The following CPEB3 variants were observed in gnomAD, a reference collection of about 807,000 sequenced individuals.
The protein encoded by CPEB3 is cytoplasmic polyadenylation element-binding protein 3.
A neutral mutation model predicts 67.2 loss-of-function variants in CPEB3; 20 were observed. The observed-to-expected ratio is 0.30, with a 90% CI of 0.21 to 0.43. The LOEUF (loss-of-function observed/expected upper bound fraction) is 0.43, where lower values mean the gene tolerates loss of function less well. Among genes scored for constraint, CPEB3 ranks in the 20% least tolerant of loss-of-function variants. The pLI, the probability that CPEB3 is intolerant of heterozygous loss-of-function variation, is 1.00. For synonymous variants in CPEB3, 376 were observed against 393.1 expected, an observed-to-expected ratio of 0.96 and a Z score of 0.51; for missense variants, 746 against 968.6, an observed-to-expected ratio of 0.77 and a Z score of 3.05.
chr10:92,226,763 C>A (rs1217510462), intron 2 of CPEB3, among the ~76,000 whole-genome samples: 1 of 146,696 alleles, frequency 6.8e-6, no homozygotes, highest in Non-Finnish European at 1.5e-5. Flanking sequence ...GAGGGAGGGG[C>A]AAGAGAGAGG....
chr10:92,268,105 C>A (rs1365806050), intron 1 of CPEB3, among the ~76,000 whole-genome samples: 1 of 152,040 alleles, frequency 6.6e-6, no homozygotes, highest in Non-Finnish European at 1.5e-5. Context: ...CCAGCCACCG[C>A]GACCGGCCGA....
chr10:92,269,603 G>C (rs573126571), intron 1 of CPEB3, among the ~76,000 whole-genome samples: 1 of 152,198 alleles, frequency 6.6e-6, no homozygotes, highest in East Asian at 1.9e-4. Context: ...TGTCACCCAG[G>C]CTGGAGTGCA....
At chr10:92,246,646 T>C (rs893637517) in intron 1 of CPEB3, among the ~76,000 whole-genome samples, 1 of 151,142 alleles carries the variant, frequency 6.6e-6, no homozygotes, top group African/African-American at 2.4e-5. Context: ...GTAGCTGGGG[T>C]TTCAGGCACC....
chr10:92,184,433 T>G (rs978774472), intron 3 of CPEB3, among the ~76,000 whole-genome samples: 20 of 152,054 alleles, frequency 1.3e-4, no homozygotes, highest in African/African-American at 4.8e-4. Context: ...TGAAACCCCA[T>G]CTCTACTAAA....
chr10:92,089,564 A>C (rs1843527350), intron 8 of CPEB3, among the ~76,000 whole-genome samples: 1 of 152,122 alleles, frequency 6.6e-6, no homozygotes, highest in Non-Finnish European at 1.5e-5. Flanking sequence ...AGGCGGGTGA[A>C]TCATGAGGTC....
At chr10:92,240,429 C>A in intron 1 of CPEB3, 68 bp from the exon 2 acceptor site, 7 of 1,370,662 alleles carry the variant, frequency 5.1e-6, no homozygotes, top group Non-Finnish European at 6.7e-6. Context: ...CTGAAGCGGG[C>A]GGGTGTTTCA....
At chr10:92,080,662 C>A (rs948297053) in intron 9 of CPEB3, among the ~76,000 whole-genome samples, 1 of 151,908 alleles carries the variant, frequency 6.6e-6, no homozygotes, top group Non-Finnish European at 1.5e-5. Context: ...AGCACGATCT[C>A]GGCTCACTCC....
chr10:92,247,795 A>G (rs1019119440), intron 1 of CPEB3, among the ~76,000 whole-genome samples: 7 of 152,196 alleles, frequency 4.6e-5, no homozygotes, highest in African/African-American at 1.7e-4. Context: ...TACAGGTGTG[A>G]GCCAACGCAC....
intron 2 of CPEB3, among the ~76,000 whole-genome samples, chr10:92,227,716 C>T (rs1214685634): frequency 2.0e-5 from 3 of 151,626 alleles, no homozygotes; most frequent in African/African-American, 7.3e-5. Flanking sequence ...CTCAGCCTCC[C>T]GAGTAGCTGG....
intron 2 of CPEB3, among the ~76,000 whole-genome samples, chr10:92,194,417 G>A (rs775835156): frequency 6.6e-6 from 1 of 151,504 alleles, no homozygotes; most frequent in Non-Finnish European, 1.5e-5. Flanking sequence ...CCAGCCTGGC[G>A]ACATAGCAAG....
chr10:92,262,229 G>A (rs551709728), intron 1 of CPEB3, among the ~76,000 whole-genome samples: 1 of 152,200 alleles, frequency 6.6e-6, no homozygotes, highest in African/African-American at 2.4e-5. Context: ...CAGTAACAGG[G>A]TATCAACATT....
chr10:92,108,549 T>C (rs527950976), intron 7 of CPEB3, among the ~76,000 whole-genome samples: 28 of 152,180 alleles, frequency 1.8e-4, no homozygotes, highest in Non-Finnish European at 3.2e-4. Context: ...TTCATTAAAA[T>C]TGCAGGTGTT....
In CPEB3 at chr10:92,244,342, G is replaced by A. The variant is rs1851970083; in HGVS notation, c.-11-3981C>T. Among the ~76,000 whole-genome samples, 3 of 150,498 alleles carry A rather than the reference G, an allele frequency of 2.0e-5. No homozygotes were observed. The South Asian group carries it at 6.3e-4, about 32-fold the overall frequency. ...AGCCTGGGTGACAGAGTAAGACCCT[G>A]TCTCAAAAAAAAAAACTAATAATAA... is the stretch of plus-strand genomic sequence containing the variant. On this transcript the variant is annotated intron_variant, in intron 1 of 9. Coordinates refer to ENST00000265997, the MANE Select transcript of CPEB3 (RefSeq NM_014912.5).
chr10:92,194,310 C>T (rs1378695543), intron 2 of CPEB3, among the ~76,000 whole-genome samples: 2 of 151,686 alleles, frequency 1.3e-5, no homozygotes, highest in Admixed American at 6.6e-5. Flanking sequence ...CATGCTGGTG[C>T]GTGCCTGTAA....
intron 1 of CPEB3, among the ~76,000 whole-genome samples, chr10:92,274,694 A>G (rs2135017954): frequency 6.6e-6 from 1 of 152,232 alleles, no homozygotes; most frequent in South Asian, 2.1e-4. Flanking sequence ...TGCAAAAATT[A>G]GCTGGGTGTG....
chr10:92,115,141 C>T (rs1844950120), intron 6 of CPEB3, among the ~76,000 whole-genome samples: 2 of 152,322 alleles, frequency 1.3e-5, no homozygotes, highest in South Asian at 4.1e-4. Context: ...CGGGCCACCA[C>T]CGACCGCCTC....
chr10:92,276,704 G>T (rs1481823481), intron 1 of CPEB3, among the ~76,000 whole-genome samples: 1 of 152,182 alleles, frequency 6.6e-6, no homozygotes, highest in Non-Finnish European at 1.5e-5. Flanking sequence ...GTATATAGCT[G>T]TAAATAGAAT....
intron 6 of CPEB3, among the ~76,000 whole-genome samples, chr10:92,123,332 A>G (rs1288662183): frequency 6.6e-6 from 1 of 152,324 alleles, no homozygotes; most frequent in African/African-American, 2.4e-5. Context: ...GTGGGAGAGA[A>G]CTGGTCAAAC....
intron 1 of CPEB3, among the ~76,000 whole-genome samples, chr10:92,288,129 T>G (rs1842620496): frequency 6.6e-6 from 1 of 152,226 alleles, no homozygotes; most frequent in African/African-American, 2.4e-5. Flanking sequence ...ATTCATCAAC[T>G]GGTGGATATT....
Sources: allele counts gnomAD v4.1 joint callset (sites outside exome capture counted in the v4.1 genomes callset), GRCh38; gene constraint gnomAD v4.1.1; transcripts MANE v1.5; gene names NCBI Gene and HGNC (gene_info 2026-07-23, HGNC 2026-07-21).